The following ADCY5 variants were observed in gnomAD, a reference collection of about 807,000 sequenced individuals.
ADCY5 encodes adenylate cyclase type 5.
Under a neutral mutation model 119.7 loss-of-function variants are expected in ADCY5, and 30 were observed. The ratio of observed to expected loss-of-function variants is 0.25; its 90% CI spans 0.19 to 0.34. The LOEUF (loss-of-function observed/expected upper bound fraction) is 0.34. Among genes scored for constraint, ADCY5 ranks in the 10% least tolerant of loss-of-function variants. The probability of loss-of-function intolerance (pLI) is 1.00; values close to 1 mark genes in which losing one functional copy is unlikely to be tolerated. For missense variants in ADCY5, 1,324 were observed against 1,775.2 expected, an observed-to-expected ratio of 0.75 and a Z score of 4.57; for synonymous variants, 753 against 762.2, an observed-to-expected ratio of 0.99 and a Z score of 0.20.
At chr3:123,413,768 TACA>T (rs1945118592) in intron 1 of ADCY5, among the ~76,000 whole-genome samples, 1 of 152,126 alleles carries the variant, frequency 6.6e-6, no homozygotes, top group African/African-American at 2.4e-5. Context: ...TGCTTTGTTC[TACA>T]AGCCTGACCA....
chr3:123,401,254 G>T (rs1944744225), intron 1 of ADCY5, among the ~76,000 whole-genome samples: 1 of 152,144 alleles, frequency 6.6e-6, no homozygotes, highest in African/African-American at 2.4e-5. Flanking sequence ...ACATGTCCGG[G>T]TAGGTCAGAC....
At chr3:123,398,252 C>T (rs1944659181) in intron 1 of ADCY5, among the ~76,000 whole-genome samples, 1 of 152,070 alleles carries the variant, frequency 6.6e-6, no homozygotes, top group East Asian at 1.9e-4. Flanking sequence ...AAACCAAGTG[C>T]TCCCCCTGCC....
chr3:123,322,665 C>G (rs1165097844), intron 8 of ADCY5, among the ~76,000 whole-genome samples: 1 of 152,178 alleles, frequency 6.6e-6, no homozygotes, highest in East Asian at 1.9e-4. Flanking sequence ...TGGGCCCCAC[C>G]CTACCGGCTA....
At chr3:123,411,027 T>C (rs114717868) in intron 1 of ADCY5, among the ~76,000 whole-genome samples, 2,781 of 152,222 alleles carry the variant, frequency 0.018, 76 homozygotes, top group African/African-American at 0.063. Context: ...AGCACCCACT[T>C]ATCTCCAAAG....
At chr3:123,398,511 C>T (rs968594501) in intron 1 of ADCY5, among the ~76,000 whole-genome samples, 10 of 152,194 alleles carry the variant, frequency 6.6e-5, no homozygotes, top group African/African-American at 1.9e-4. Context: ...CCATGCAGCA[C>T]GCAGGGCCAC....
intron 12 of ADCY5, among the ~76,000 whole-genome samples, chr3:123,308,778 G>A (rs962924696): frequency 6.6e-6 from 1 of 152,142 alleles, no homozygotes; most frequent in Admixed American, 6.5e-5. Context: ...GCAGTGAGCC[G>A]AGATCGTGCC....
In ADCY5 at chr3:123,375,518, C is replaced by A. The variant is rs542302107; in HGVS notation, c.1135-22937G>T. Among the ~76,000 whole-genome samples, 3 of 152,350 alleles carry A rather than the reference C, an allele frequency of 2.0e-5. No homozygotes were observed. The East Asian group carries it at 5.8e-4, about 29-fold the overall frequency. On this transcript the variant is annotated intron_variant, in intron 1 of 20. Transcript: ENST00000462833. ...CCAGTCTGGGGCAGGCCCCCCATTC[C>A]CAGTTCTCAGAGCAATCTGGAGAAT...
Position 123,286,916 on chromosome 3 carries a change from C to T in ADCY5, c.3533-107G>A. 6.9e-7 allele frequency: 1 copy of T among 1,443,988 alleles called. No individual in the cohort carries two copies. Among genetic ancestry groups the T allele is most frequent in the Middle Eastern group, 1.9e-4 (1 of 5,312 alleles). 89.4% of individuals were successfully genotyped at this position (1,443,988 alleles called of 1,614,324 possible). ...CCTTCTGACTCCCAACCTGAGACAC[C>T]CGTGGGCTTCCAGGCCCAAGGCTGT... On this transcript the variant is annotated intron_variant, in intron 19 of 20. Transcript: ENST00000462833. The surrounding 1 kb of genome is among the most constrained non-coding windows in gnomAD (Gnocchi z 4.2).
At chr3:123,445,405 C>G (rs986001904) in intron 1 of ADCY5, among the ~76,000 whole-genome samples, 5 of 144,710 alleles carry the variant, frequency 3.5e-5, no homozygotes, top group Admixed American at 1.5e-4. Flanking sequence ...AGAAACCATA[C>G]CTACAGCTGT....
intron 12 of ADCY5, among the ~76,000 whole-genome samples, chr3:123,305,952 A>G (rs1940173785): frequency 6.6e-6 from 1 of 152,192 alleles, no homozygotes; most frequent in African/African-American, 2.4e-5. Context: ...CCTCTAGAGT[A>G]GCTGGGACTA....
chr3:123,439,247 A>G (rs547781180), intron 1 of ADCY5, among the ~76,000 whole-genome samples: 2 of 151,566 alleles, frequency 1.3e-5, no homozygotes, highest in Non-Finnish European at 2.9e-5. Flanking sequence ...TATTTTTAGT[A>G]GAGACGGGGT....
At chr3:123,423,366 G>A (rs532471207) in intron 1 of ADCY5, among the ~76,000 whole-genome samples, 20 of 152,312 alleles carry the variant, frequency 1.3e-4, no homozygotes, top group African/African-American at 2.4e-4. Flanking sequence ...GTGATTCTGC[G>A]CCGTGGGAGG....
intron 1 of ADCY5, among the ~76,000 whole-genome samples, chr3:123,407,567 C>T (rs1576674870): frequency 8.9e-6 from 1 of 112,050 alleles, no homozygotes; most frequent in Non-Finnish European, 1.7e-5. Context: ...GCCTGGGCAA[C>T]ATAGTGAGAC....
At chr3:123,375,504 C>A (rs78039534) in intron 1 of ADCY5, among the ~76,000 whole-genome samples, 61 of 152,344 alleles carry the variant, frequency 4.0e-4, no homozygotes, top group Non-Finnish European at 7.1e-4. Flanking sequence ...CAGTCTGGGG[C>A]AGGCCCCCCA....
intron 3 of ADCY5, among the ~76,000 whole-genome samples, chr3:123,345,597 C>T (rs1304062768): frequency 6.6e-6 from 1 of 152,194 alleles, no homozygotes; most frequent in Non-Finnish European, 1.5e-5. Context: ...CCCCTTCCCA[C>T]TTTAAACCTG....
chr3:123,403,566 T>C (rs1042174697), intron 1 of ADCY5, among the ~76,000 whole-genome samples: 39 of 152,210 alleles, frequency 2.6e-4, no homozygotes, highest in African/African-American at 8.7e-4. Flanking sequence ...TCAGGGAGCA[T>C]TGTTGAGTGA....
At chr3:123,343,989 A>T (rs1318834529) in intron 3 of ADCY5, among the ~76,000 whole-genome samples, 1 of 152,180 alleles carries the variant, frequency 6.6e-6, no homozygotes, top group East Asian at 1.9e-4. Context: ...TCAGCATCAA[A>T]ACATCCTACA....
intron 3 of ADCY5, among the ~76,000 whole-genome samples, chr3:123,333,938 G>A (rs181472886): frequency 1.4e-3 from 212 of 152,230 alleles, no homozygotes; most frequent in African/African-American, 2.7e-3. Flanking sequence ...GCCCGTCAGC[G>A]TCCCTGGAAG....
At chr3:123,304,536 C>A (rs1238044243) in intron 12 of ADCY5, among the ~76,000 whole-genome samples, 1 of 152,104 alleles carries the variant, frequency 6.6e-6, no homozygotes, top group Admixed American at 6.5e-5. Flanking sequence ...CGGTGGGTGG[C>A]AGCTGAGGAG....
Sources: allele counts gnomAD v4.1 joint callset (sites outside exome capture counted in the v4.1 genomes callset), GRCh38; gene constraint gnomAD v4.1.1; non-coding constraint Gnocchi (gnomAD v3.1); transcripts MANE v1.5; gene names NCBI Gene and HGNC (gene_info 2026-07-23, HGNC 2026-07-21).